The following PNLDC1 variants were observed in gnomAD, a reference collection of about 807,000 sequenced individuals.
The protein encoded by PNLDC1 is poly(A)-specific ribonuclease PNLDC1.
A neutral mutation model predicts 82.0 loss-of-function variants in PNLDC1; 70 were observed. The observed-to-expected ratio is 0.85, with a 90% CI of 0.70 to 1.04. The LOEUF is 1.04. Among genes scored for constraint, PNLDC1 ranks in the 50% least tolerant of loss-of-function variants. The pLI is 0.00. For synonymous variants in PNLDC1, 280 were observed against 249.3 expected (o/e 1.12, Z -1.16); for missense variants, 631 against 661.1 (o/e 0.95, Z 0.50).
At chr6:159,800,118 A>G, upstream of PNLDC1, 1 of 530,440 alleles carries the variant, frequency 1.9e-6, no homozygotes. Context: ...AGCAAATCGT[A>G]CAATTAAAAC....
chr6:159,805,835 GA>G, intron 6 of PNLDC1, 147 bp from the exon 7 acceptor site: 1 of 639,136 alleles, frequency 1.6e-6, no homozygotes, highest in Non-Finnish European at 2.8e-6. Flanking sequence ...AAGAGCCTCA[GA>G]GAAGAAATCG....
chr6:159,812,768 T>A (rs888346286), intron 11 of PNLDC1, among the ~76,000 whole-genome samples: 2 of 152,160 alleles, frequency 1.3e-5, no homozygotes, highest in Non-Finnish European at 2.9e-5. Context: ...ACACCTGTAA[T>A]CCCAGCATTT....
chr6:159,805,462 G>A (rs1004332871), intron 6 of PNLDC1, among the ~76,000 whole-genome samples: 2 of 152,106 alleles, frequency 1.3e-5, no homozygotes, highest in Admixed American at 1.3e-4. Context: ...TTTCCTGCTG[G>A]TTTTCATATA....
At chr6:159,800,155 A>G (rs1467953032), upstream of PNLDC1, 25 of 635,348 alleles carry the variant, frequency 3.9e-5, no homozygotes, top group East Asian at 1.2e-4. Flanking sequence ...GGGCGACGCC[A>G]GCAGCACACG....
At chr6:159,818,822 T>A (rs935429341) in intron 16 of PNLDC1, 124 bp from the exon 17 acceptor site, 3 of 1,259,752 alleles carry the variant, frequency 2.4e-6, no homozygotes, top group African/African-American at 3.0e-5. Context: ...CATGGACTCA[T>A]CCTTCCTTCT....
At chr6:159,820,328 C>T (rs1007820447) in intron 18 of PNLDC1, 126 bp from the exon 19 acceptor site, 3 of 879,012 alleles carry the variant, frequency 3.4e-6, no homozygotes, top group East Asian at 2.5e-5. Context: ...GTGTTGTCGT[C>T]GGGAGAGTGA....
intron 4 of PNLDC1, 91 bp from the exon 5 acceptor site, chr6:159,803,874 T>G (rs1781350681): frequency 7.1e-7 from 1 of 1,408,264 alleles, no homozygotes; most frequent in Admixed American, 2.2e-5. Context: ...TCTTCTTGCC[T>G]AAAAGAAAGA....
intron 11 of PNLDC1, among the ~76,000 whole-genome samples, chr6:159,812,668 G>C (rs1053216412): frequency 6.6e-6 from 1 of 152,150 alleles, no homozygotes; most frequent in Non-Finnish European, 1.5e-5. Flanking sequence ...TTGTGGAGTC[G>C]AGGCTGTGTA....
At chr6:159,816,087 T>G in intron 13 of PNLDC1, 54 bp downstream of exon 13, 1 of 1,191,746 alleles carries the variant, frequency 8.4e-7, no homozygotes, top group Non-Finnish European at 1.1e-6. Context: ...GCTGAGGTGC[T>G]CAGCTGAGCT....
chr6:159,819,463 C>A lies in PNLDC1; in HGVS notation c.1532+111C>A. Reference sequence around the variant, plus strand: ...ACAGCTCACTTGCTGGTGTGTGTTGCCAAGGGGGTTGTGTTGACGAGTGTG... The same window carrying A: ...ACAGCTCACTTGCTGGTGTGTGTTGACAAGGGGGTTGTGTTGACGAGTGTG... On this transcript the variant is annotated intron_variant, in intron 18 of 18. Transcript: ENST00000392167. This position sits in a 1 kb window ranked among gnomAD's most constrained non-coding sequence, Gnocchi z 4.6. 3 of 936,906 alleles carry A rather than the reference C, an allele frequency of 3.2e-6. No individual in the cohort carries two copies. Among genetic ancestry groups the A allele is most frequent in the Non-Finnish European group, 4.8e-6 (3 of 624,054 alleles). 58.0% of individuals were successfully genotyped at this position (936,906 alleles called of 1,614,324 possible). A position where few individuals can be genotyped will look rare whatever the true frequency, so the allele number is the denominator to read the frequency against.
intron 12 of PNLDC1, among the ~76,000 whole-genome samples, 170 bp downstream of exon 12, chr6:159,813,826 C>G (rs1283352310): frequency 6.6e-6 from 1 of 152,190 alleles, no homozygotes; most frequent in African/African-American, 2.4e-5. Flanking sequence ...CGATGACCCT[C>G]TTGCCTCCGT....
intron 12 of PNLDC1, among the ~76,000 whole-genome samples, chr6:159,814,798 A>G (rs184472528): frequency 1.3e-5 from 2 of 152,278 alleles, no homozygotes; most frequent in East Asian, 3.9e-4. Flanking sequence ...TGAGATGAGA[A>G]AATAGTGTGT....
Position 159,801,110 on chromosome 6 carries a change from C to G in PNLDC1, c.135-3C>G. 6.2e-7 allele frequency: 1 copy of G among 1,614,118 alleles called. No homozygotes were observed. The highest frequency in any genetic ancestry group is 8.5e-7 in the Non-Finnish European group (1 of 1,179,962). ...GTGGAATGAGATGCCTGTTTGTTCA[C>G]AGTCTTTTTGATTTGCCATCGGAGT... On this transcript the variant is annotated splice_region_variant and splice_polypyrimidine_tract_variant and intron_variant, in intron 2 of 18. Transcript: ENST00000392167.
intron 6 of PNLDC1, 77 bp downstream of exon 6, chr6:159,804,714 T>G: frequency 9.0e-7 from 1 of 1,113,926 alleles, no homozygotes; most frequent in Non-Finnish European, 1.3e-6. Context: ...GGCGTGCCGT[T>G]TCCAGGAGTG....
At position 159,805,998 on chromosome 6, in the gene PNLDC1, C is replaced by T. The variant is rs764756212; in HGVS notation, c.477C>T (p.Asp159=). The change falls in exon 7 of 19, where the codon GAC becomes GAT. Residue 159 remains aspartate, a synonymous_variant. Coordinates refer to ENST00000392167, the MANE Select transcript of PNLDC1 (RefSeq NM_001271862.2). The stretch of plus-strand genomic sequence containing the variant: ...CCATTTTCAGCTCTCCGGATAAAGA[C>T]CAAATCAAGGTGGTGATTGACGAAG... ...NWRVRSSPDK[D]QIKVVIDEVT... 8.7e-6 allele frequency: 14 copies of T among 1,614,070 alleles called. No individual in the cohort carries two copies. Among genetic ancestry groups the T allele is most frequent in the Admixed American group, 1.7e-5 (1 of 60,014 alleles).
At chr6:159,816,844 T>C (rs1781851129) in intron 14 of PNLDC1, among the ~76,000 whole-genome samples, 1 of 152,136 alleles carries the variant, frequency 6.6e-6, no homozygotes, top group Admixed American at 6.5e-5. Flanking sequence ...TTTGTATTTT[T>C]TGTAGAGATG....
chr6:159,806,885 T>G (rs1354966588), intron 7 of PNLDC1, among the ~76,000 whole-genome samples: 1 of 135,596 alleles, frequency 7.4e-6, no homozygotes, highest in African/African-American at 2.7e-5. Context: ...CTGAATTAGC[T>G]GCCTTTTTTT....
At position 159,819,035 on chromosome 6, in the gene PNLDC1, C is replaced by G; in HGVS notation, c.1347C>G (p.Val449=). 8.1e-6 allele frequency: 13 copies of G among 1,614,036 alleles called. No individual in the cohort carries two copies. The highest frequency in any genetic ancestry group is 1.1e-5 in the Non-Finnish European group (13 of 1,179,984). Residue 449 remains valine, a synonymous_variant, in exon 17 of 19, where the codon GTC becomes GTG. Coordinates refer to ENST00000392167, the MANE Select transcript of PNLDC1 (RefSeq NM_001271862.2). This position sits in a 1 kb window ranked among gnomAD's most constrained non-coding sequence, Gnocchi z 4.6. ...KRWPGVSEQQ[V]YHKFQNLCKF... ...GGCCTGGGGTCAGCGAGCAGCAAGT[C>G]TACCATAAGTTTCAGAATCTCTGCA...
chr6:159,819,955 C>T lies in PNLDC1; in HGVS notation c.1533-499C>T, dbSNP rs574593592. On this transcript the variant is annotated intron_variant, in intron 18 of 18. Transcript: ENST00000392167. This position sits in a 1 kb window ranked among gnomAD's most constrained non-coding sequence, Gnocchi z 4.6. ...ATCGCGGAAGTTACAGCAAGAAGGT[C>T]TATAACCCGACTCAGGTTGTCTTCC... 6.6e-6 allele frequency among the ~76,000 whole-genome samples: 1 copy of T among 152,146 alleles called. No homozygotes were observed. The highest frequency in any genetic ancestry group is 1.5e-5 in the Non-Finnish European group (1 of 68,028).
Sources: gnomAD v4.1 joint callset for allele counts (sites outside exome capture counted in the v4.1 genomes callset) on GRCh38, gnomAD v4.1.1 for gene constraint, Gnocchi (gnomAD v3.1) non-coding constraint, MANE v1.5 for transcripts, NCBI Gene and HGNC (gene_info 2026-07-23, HGNC 2026-07-21) for gene names.